FTO: variants seen among roughly 807,000 people sequenced by gnomAD.
The protein encoded by FTO is FTO alpha-ketoglutarate dependent dioxygenase.
Under a neutral mutation model 63.9 loss-of-function variants are expected in FTO, and 47 were observed. The ratio of observed to expected loss-of-function variants is 0.74; its 90% CI spans 0.58 to 0.94. The LOEUF is 0.94. Among genes scored for constraint, FTO ranks in the 40% least tolerant of loss-of-function variants. The probability of loss-of-function intolerance (pLI) is 0.00; values close to 1 mark genes in which losing one functional copy is unlikely to be tolerated. For synonymous variants in FTO, 207 were observed against 224.4 expected, an observed-to-expected ratio of 0.92 and a Z score of 0.69; for missense variants, 562 against 618.1, an observed-to-expected ratio of 0.91 and a Z score of 0.96.
chr16:54,102,787 C>T (rs566917136), intron 8 of FTO, among the ~76,000 whole-genome samples: 87 of 152,186 alleles, frequency 5.7e-4, no homozygotes, highest in African/African-American at 2.0e-3. Flanking sequence ...TGGCATAGAC[C>T]CACAGGAAGG....
intron 8 of FTO, among the ~76,000 whole-genome samples, chr16:53,943,676 C>T (rs2143416233): frequency 6.6e-6 from 1 of 152,274 alleles, no homozygotes; most frequent in African/African-American, 2.4e-5. Context: ...TTGCTATGCC[C>T]TGTATATTCA....
intron 8 of FTO, among the ~76,000 whole-genome samples, chr16:53,988,566 C>T (rs1420764184): frequency 6.6e-6 from 1 of 152,080 alleles, no homozygotes; most frequent in Non-Finnish European, 1.5e-5. Flanking sequence ...ACATATCTAC[C>T]ATTTATTGAG....
intron 1 of FTO, among the ~76,000 whole-genome samples, chr16:53,785,399 A>C (rs2077707290): frequency 6.6e-6 from 1 of 152,208 alleles, no homozygotes; most frequent in Admixed American, 6.5e-5. Flanking sequence ...AGAGAGACAA[A>C]AATTAAGTAC....
intron 1 of FTO, among the ~76,000 whole-genome samples, chr16:53,737,140 T>C (rs1249774439): frequency 6.6e-6 from 1 of 152,220 alleles, no homozygotes. Flanking sequence ...AGAGGGCCTA[T>C]CATAATACTT....
chr16:53,802,147 C>T (rs911124149), intron 1 of FTO, among the ~76,000 whole-genome samples: 2 of 152,118 alleles, frequency 1.3e-5, no homozygotes, highest in Non-Finnish European at 2.9e-5. Flanking sequence ...TCCAGGACCC[C>T]TGCAAATATA....
intron 8 of FTO, chr16:53,999,999 G>A (rs2084031849): frequency 6.6e-6 from 1 of 152,108 alleles, no homozygotes; most frequent in Non-Finnish European, 1.5e-5. Context: ...AGGGCAAATG[G>A]TGAGTTCCAG....
intron 1 of FTO, among the ~76,000 whole-genome samples, chr16:53,757,003 G>A (rs889686633): frequency 6.6e-6 from 1 of 152,124 alleles, no homozygotes; most frequent in African/African-American, 2.4e-5. Flanking sequence ...TGTATAGCCA[G>A]GAGTCACGGT....
chr16:54,093,583 T>G (rs2086447501), intron 8 of FTO, among the ~76,000 whole-genome samples: 1 of 152,180 alleles, frequency 6.6e-6, no homozygotes, highest in South Asian at 2.1e-4. Context: ...ACTTCTCCAT[T>G]AATCGGCCTG....
At chr16:53,995,821 C>T (rs1253177750) in intron 8 of FTO, among the ~76,000 whole-genome samples, 3 of 152,154 alleles carry the variant, frequency 2.0e-5, no homozygotes, top group Non-Finnish European at 4.4e-5. Context: ...AGCCAGTCAT[C>T]GAATTCCTGT....
chr16:53,909,073 G>C (rs990414360), intron 7 of FTO, among the ~76,000 whole-genome samples: 1 of 152,060 alleles, frequency 6.6e-6, no homozygotes, highest in African/African-American at 2.4e-5. Flanking sequence ...TTCCTAGCAG[G>C]CCTGGGATGA....
chr16:54,070,750 T>G (rs1246148981), intron 8 of FTO: 1 of 152,180 alleles, frequency 6.6e-6, no homozygotes, highest in Non-Finnish European at 1.5e-5. Flanking sequence ...ACAGCGAACA[T>G]TTTGCAGGCT....
At chr16:53,707,908 G>A (rs1022616661) in intron 1 of FTO, among the ~76,000 whole-genome samples, 3 of 152,140 alleles carry the variant, frequency 2.0e-5, no homozygotes, top group Admixed American at 6.5e-5. Flanking sequence ...AGGGAACCAC[G>A]AATCTACTCT....
Position 54,064,394 on chromosome 16 carries a change from A to T in FTO, c.1365-47368A>T, listed in dbSNP as rs1007070176. On this transcript the variant is annotated intron_variant, in intron 8 of 8. Coordinates refer to ENST00000471389, the MANE Select transcript of FTO (RefSeq NM_001080432.3). The stretch of plus-strand genomic sequence containing the variant: ...CTGTAATGAAAACATTTTCTTTTTG[A>T]CCCTGGGTTCTGAGTTTGACATGTT... Among the ~76,000 whole-genome samples the T allele has an allele frequency of 9.9e-5, 15 of 152,150 alleles. No individual in the cohort carries two copies. The East Asian group carries it at 2.7e-3, about 27-fold the overall frequency.
intron 8 of FTO, among the ~76,000 whole-genome samples, chr16:54,027,498 T>C (rs181103177): frequency 1.3e-5 from 1 of 78,198 alleles, no homozygotes; most frequent in South Asian, 4.4e-4. Context: ...TTATTCCTTT[T>C]CTTAGGAAAG....
At chr16:53,983,995 G>A (rs1235819085) in intron 8 of FTO, among the ~76,000 whole-genome samples, 1 of 152,160 alleles carries the variant, frequency 6.6e-6, no homozygotes, top group Non-Finnish European at 1.5e-5. Context: ...TTCAAAAATT[G>A]CAAAAGGTAG....
Position 54,068,913 on chromosome 16 carries a change from G to C in FTO, c.1365-42849G>C, listed in dbSNP as rs555549262. On this transcript the variant is annotated intron_variant, in intron 8 of 8. Transcript: ENST00000471389. ...TTCATCACACCCTTCTCGGGGCCAG[G>C]CAGAGAGCAGCAGCCCCAGTTCTGC... Among the ~76,000 whole-genome samples, 5 of 152,272 alleles carry C rather than the reference G, an allele frequency of 3.3e-5. No individual in the cohort carries two copies. The South Asian group carries it at 1.0e-3, about 32-fold the overall frequency.
intron 8 of FTO, among the ~76,000 whole-genome samples, chr16:53,986,631 T>A (rs967827807): frequency 6.6e-6 from 1 of 152,244 alleles, no homozygotes; most frequent in African/African-American, 2.4e-5. Flanking sequence ...ATAATCAAGC[T>A]GATTGTATTG....
intron 3 of FTO, among the ~76,000 whole-genome samples, chr16:53,838,030 A>G (rs1220168177): frequency 6.6e-6 from 1 of 152,190 alleles, no homozygotes; most frequent in Non-Finnish European, 1.5e-5. Context: ...TACACACACC[A>G]TGCCATTTCC....
chr16:53,889,336 T>C (rs1392977868), intron 7 of FTO, among the ~76,000 whole-genome samples: 1 of 152,166 alleles, frequency 6.6e-6, no homozygotes, highest in Admixed American at 6.5e-5. Flanking sequence ...CAGGCCTTAA[T>C]TTGTGGATGT....
Sources: gnomAD v4.1 joint callset for allele counts (sites outside exome capture counted in the v4.1 genomes callset) on GRCh38, gnomAD v4.1.1 for gene constraint, MANE v1.5 for transcripts, NCBI Gene and HGNC (gene_info 2026-07-23, HGNC 2026-07-21) for gene names.